Variants in RRM2B observed in about 807,000 individuals in gnomAD.
RRM2B encodes ribonucleotide reductase regulatory TP53 inducible subunit M2B, also known as ribonucleoside-diphosphate reductase subunit M2 B.
RRM2B carries 20 observed loss-of-function variants against 45.9 expected under a neutral mutation model. The ratio of observed to expected loss-of-function variants is 0.44; its 90% confidence interval spans 0.31 to 0.63. The LOEUF (loss-of-function observed/expected upper bound fraction) is 0.63, where lower values mean the gene tolerates loss of function less well. Among genes scored for constraint, RRM2B ranks in the 30% least tolerant of loss-of-function variants. RRM2B has a pLI of 0.09. For missense variants in RRM2B, 320 were observed against 414.7 expected (o/e 0.77, Z 1.98); for synonymous variants, 124 against 132.3 (o/e 0.94, Z 0.43).
At chr8:102,210,147 G>A (rs1810610958) in intron 8 of RRM2B, among the ~76,000 whole-genome samples, 1 of 152,068 alleles carries the variant, frequency 6.6e-6, no homozygotes. Context: ...ATTTTAAATG[G>A]GTGAATTGCA....
At chr8:102,232,081 T>C (rs1292182213) in intron 2 of RRM2B, 68 bp downstream of exon 2, 2 of 1,372,928 alleles carry the variant, frequency 1.5e-6, no homozygotes, top group Non-Finnish European at 2.1e-6. Flanking sequence ...AGTTATTCAA[T>C]ATCCTGTAAA....
intron 8 of RRM2B, among the ~76,000 whole-genome samples, chr8:102,212,119 T>C (rs1444530023): frequency 1.3e-5 from 2 of 152,174 alleles, no homozygotes; most frequent in Non-Finnish European, 2.9e-5. Context: ...TTTAAGTGCT[T>C]TAAGTGTATC....
At chr8:102,208,388 T>C (rs978943306) in intron 8 of RRM2B, 103 bp from the exon 9 acceptor site, 2 of 838,764 alleles carry the variant, frequency 2.4e-6, no homozygotes, top group African/African-American at 3.4e-5. Flanking sequence ...TCAAAACCTA[T>C]CTAGTCAGCT....
intron 3 of RRM2B, 148 bp from the exon 4 acceptor site, chr8:102,225,166 G>C (rs1810908403): frequency 4.7e-6 from 3 of 637,462 alleles, no homozygotes; most frequent in African/African-American, 1.9e-5. Flanking sequence ...ATTTTAAGCA[G>C]TATCCTAGGC....
At chr8:102,226,124 T>C (rs980665605) in intron 2 of RRM2B, 90 bp from the exon 3 acceptor site, 6 of 778,556 alleles carry the variant, frequency 7.7e-6, no homozygotes, top group Non-Finnish European at 1.2e-5. Context: ...TAAGTAGGAA[T>C]ATCCCACTAC....
intron 2 of RRM2B, among the ~76,000 whole-genome samples, chr8:102,231,868 C>CAAAAA (rs1250881056): frequency 6.5e-5 from 4 of 61,668 alleles, no homozygotes; most frequent in Admixed American, 1.6e-4. Context: ...GACTCTGTCT[C>CAAAAA]AAAAAAAAAA....
chr8:102,205,094 C>T lies in RRM2B; in HGVS notation c.*3039G>A, dbSNP rs1810521446. 6.6e-6 allele frequency: 1 copy of T among 152,168 alleles called. No individual in the cohort carries two copies. Among genetic ancestry groups the T allele is most frequent in the Non-Finnish European group, 1.5e-5 (1 of 68,010 alleles). The allele number at this position is 152,168 out of a possible 1,614,324, so 9.4% of individuals were successfully genotyped here. On this transcript the variant is annotated 3_prime_UTR_variant, in exon 9 of 9. Transcript: ENST00000251810. The stretch of plus-strand genomic sequence containing the variant: ...TCTGCTGGGGAAGATTTCCCAAGTC[C>T]ACTACCAATTCACTCAACTTGGTTT...
At position 102,236,465 on chromosome 8, in the gene RRM2B, G is replaced by A. The variant is rs145332959; in HGVS notation, c.48+2362C>T. On this transcript the variant is annotated intron_variant, in intron 1 of 8. Transcript: ENST00000251810. The stretch of plus-strand genomic sequence containing the variant: ...AACTAAGGAACCAATTTCAAAGATG[G>A]AAATGAGGACTTGAATTAAGATGTG... 1.6e-4 allele frequency among the ~76,000 whole-genome samples: 24 copies of A among 152,294 alleles called. No homozygotes were observed. In the East Asian group the frequency reaches 4.6e-3, roughly 29 times the overall value.
intron 1 of RRM2B, among the ~76,000 whole-genome samples, chr8:102,234,546 A>T (rs939747356): frequency 1.3e-5 from 2 of 152,180 alleles, no homozygotes; most frequent in African/African-American, 4.8e-5. Flanking sequence ...AGAAGAAAAA[A>T]AAAATGTGAA....
At chr8:102,216,252 T>A (rs1451909296) in intron 6 of RRM2B, among the ~76,000 whole-genome samples, 1 of 152,032 alleles carries the variant, frequency 6.6e-6, no homozygotes, top group Non-Finnish European at 1.5e-5. Flanking sequence ...TAAAATAAAA[T>A]TAAATTCTAA....
intron 5 of RRM2B, among the ~76,000 whole-genome samples, chr8:102,221,665 T>C (rs902233010): frequency 1.3e-5 from 2 of 152,110 alleles, no homozygotes; most frequent in African/African-American, 2.4e-5. Flanking sequence ...TGAAATGGAG[T>C]TTCCCTTGAG....
chr8:102,207,260 C>A lies in RRM2B; in HGVS notation c.*873G>T, dbSNP rs1026231056. The A allele has an allele frequency of 2.6e-5, 4 of 152,042 alleles. No homozygotes were observed. Among genetic ancestry groups the A allele is most frequent in the African/African-American group, 4.8e-5 (2 of 41,420 alleles). 9.4% of individuals were successfully genotyped at this position (152,042 alleles called of 1,614,324 possible). A position where few individuals can be genotyped will look rare whatever the true frequency, so the allele number is the denominator to read the frequency against. ...CATCTGACCACAGAATCCCCTTTTTCCCCCAAAAAAATATCTAGAGGAGCT... is the reference window on the plus strand; with the variant it reads ...CATCTGACCACAGAATCCCCTTTTTACCCCAAAAAAATATCTAGAGGAGCT... On this transcript the variant is annotated 3_prime_UTR_variant, in exon 9 of 9. Transcript: ENST00000251810.
intron 2 of RRM2B, among the ~76,000 whole-genome samples, chr8:102,227,762 T>C (rs1234934045): frequency 6.6e-6 from 1 of 152,178 alleles, no homozygotes; most frequent in Non-Finnish European, 1.5e-5. Flanking sequence ...GGGTTATTGG[T>C]GAAGGCCCTC....
intron 1 of RRM2B, among the ~76,000 whole-genome samples, chr8:102,234,181 C>T (rs768374088): frequency 6.6e-6 from 1 of 152,130 alleles, no homozygotes; most frequent in South Asian, 2.1e-4. Flanking sequence ...AATGCCCTGA[C>T]GATGAATGAA....
At chr8:102,217,515 C>T (rs897267980) in intron 6 of RRM2B, among the ~76,000 whole-genome samples, 9 of 152,018 alleles carry the variant, frequency 5.9e-5, no homozygotes, top group South Asian at 2.1e-4. Context: ...TCTAACAAAA[C>T]GGTTAAGTTT....
chr8:102,219,035 C>T, intron 5 of RRM2B, 88 bp from the exon 6 acceptor site: 1 of 1,359,314 alleles, frequency 7.4e-7, no homozygotes, highest in Non-Finnish European at 1.0e-6. Flanking sequence ...ATAAATACCA[C>T]AACTGTTTGC....
intron 1 of RRM2B, among the ~76,000 whole-genome samples, chr8:102,235,795 T>C (rs1050661004): frequency 6.6e-6 from 1 of 152,088 alleles, no homozygotes; most frequent in African/African-American, 2.4e-5. Context: ...GCCGAGATTG[T>C]GCCACTGTAT....
At chr8:102,215,527 G>T (rs182564217) in intron 6 of RRM2B, among the ~76,000 whole-genome samples, 14 of 152,206 alleles carry the variant, frequency 9.2e-5, no homozygotes, top group Non-Finnish European at 1.6e-4. Context: ...AATGGAATTG[G>T]TGTGTGTGTG....
At chr8:102,224,231 G>C (rs1810885713) in intron 4 of RRM2B, 91 bp from the exon 5 acceptor site, 7 of 840,052 alleles carry the variant, frequency 8.3e-6, no homozygotes, top group Non-Finnish European at 1.4e-5. Context: ...GCCCAGGCTG[G>C]AGTGCAGTGG....
Sources: allele counts gnomAD v4.1 joint callset (sites outside exome capture counted in the v4.1 genomes callset), GRCh38; gene constraint gnomAD v4.1.1; transcripts MANE v1.5; gene names NCBI Gene and HGNC (gene_info 2026-07-23, HGNC 2026-07-21).